ITM2B: variants seen among roughly 807,000 people sequenced by gnomAD.
ITM2B encodes the protein integral membrane protein 2B.
ITM2B carries 11 observed loss-of-function variants against 27.8 expected under a neutral mutation model. The ratio of observed to expected loss-of-function variants is 0.40; its 90% CI spans 0.25 to 0.66. The LOEUF (loss-of-function observed/expected upper bound fraction) is 0.66, where lower values mean the gene tolerates loss of function less well. Ranked by LOEUF, ITM2B falls within the 30% of genes least tolerant of loss-of-function variation. ITM2B has a pLI of 0.43. For synonymous variants in ITM2B, 114 were observed against 114.3 expected (o/e 1.00, Z 0.02); for missense variants, 296 against 328.9 (o/e 0.90, Z 0.77).
intron 1 of ITM2B, among the ~76,000 whole-genome samples, chr13:48,248,281 G>A (rs1951735073): frequency 6.6e-6 from 1 of 151,700 alleles, no homozygotes; most frequent in South Asian, 2.1e-4. Flanking sequence ...AAAATCAGCA[G>A]TGCTAGTACT....
chr13:48,262,397 A>G lies in ITM2B; in HGVS notation c.*1173A>G, dbSNP rs1326767144. On this transcript the variant is annotated 3_prime_UTR_variant, in exon 6 of 6. Coordinates refer to ENST00000647800, the MANE Select transcript of ITM2B (RefSeq NM_021999.5). The stretch of plus-strand genomic sequence containing the variant: ...TTTTAAAGCTTCCAACTCTTAAAGG[A>G]TTTAGTCTAGAAACCAATTCTAATT... 4 of 152,160 alleles carry G rather than the reference A, an allele frequency of 2.6e-5. No individual in the cohort carries two copies. Among genetic ancestry groups the G allele is most frequent in the Non-Finnish European group, 5.9e-5 (4 of 68,020 alleles). 9.4% of individuals were successfully genotyped at this position (152,160 alleles called of 1,614,324 possible).
chr13:48,234,630 A>T (rs1437029096), intron 1 of ITM2B, among the ~76,000 whole-genome samples: 1 of 152,168 alleles, frequency 6.6e-6, no homozygotes, highest in East Asian at 1.9e-4. Flanking sequence ...GGTAATCTAG[A>T]CATCATATTA....
intron 1 of ITM2B, among the ~76,000 whole-genome samples, chr13:48,234,510 T>TA (rs1445273188): frequency 6.6e-6 from 1 of 152,058 alleles, no homozygotes; most frequent in Non-Finnish European, 1.5e-5. Flanking sequence ...AGTTTTAACT[T>TA]AAAAAAATTG....
chr13:48,256,394 T>A lies in ITM2B; in HGVS notation c.453+11T>A, dbSNP rs1951789199. ...CATGACTTTAACAAGGTGAGCCAAG[T>A]GTCCAGAATTGTAGAAAGAATGCAG... is the stretch of plus-strand genomic sequence containing the variant. On this transcript the variant is annotated intron_variant, in intron 3 of 5. Transcript: ENST00000647800. 6.3e-7 allele frequency: 1 copy of A among 1,590,536 alleles called. No homozygotes were observed. The highest frequency in any genetic ancestry group is 2.2e-5 in the East Asian group (1 of 44,766).
In ITM2B at chr13:48,263,270, T is replaced by G. The variant is rs1566165371; in HGVS notation, c.*2046T>G. The G allele has an allele frequency of 2.6e-5, 4 of 152,336 alleles. No homozygotes were observed. In the South Asian group the frequency reaches 6.2e-4, roughly 24 times the overall value. 9.4% of individuals were successfully genotyped at this position (152,336 alleles called of 1,614,324 possible). ...TGATTTTACTTCATTTCCAGTACTATTCTGATAATTTCCTTTAGAGTCAAT... is the reference window on the plus strand; with the variant it reads ...TGATTTTACTTCATTTCCAGTACTAGTCTGATAATTTCCTTTAGAGTCAAT... On this transcript the variant is annotated 3_prime_UTR_variant, in exon 6 of 6. Transcript: ENST00000647800.
chr13:48,233,393 C>T lies in ITM2B; in HGVS notation c.33C>T (p.Ala11=). The change falls in exon 1 of 6, where the codon GCC becomes GCT. Residue 11 remains alanine, a synonymous_variant. Transcript: ENST00000647800. ...AGGTGACGTTCAACTCCGCTCTGGC[C>T]CAGAAGGAGGCCAAGAAGGACGAGC... MVKVTFNSAL[A]QKEAKKDEPK... is the part of the protein sequence containing the mutation. 1 of 1,565,690 alleles carries T rather than the reference C, an allele frequency of 6.4e-7. No individual in the cohort carries two copies. Among genetic ancestry groups the T allele is most frequent in the East Asian group, 2.5e-5 (1 of 40,754 alleles).
intron 1 of ITM2B, among the ~76,000 whole-genome samples, chr13:48,249,872 T>G (rs1443619870): frequency 1.3e-5 from 2 of 152,176 alleles, no homozygotes; most frequent in African/African-American, 4.8e-5. Flanking sequence ...AGTCATGGGG[T>G]TTTTCTTCTT....
At chr13:48,235,235 G>T (rs925581745) in intron 1 of ITM2B, among the ~76,000 whole-genome samples, 2 of 152,164 alleles carry the variant, frequency 1.3e-5, no homozygotes, top group African/African-American at 4.8e-5. Flanking sequence ...CTGAAATAGT[G>T]ACTCTGCCAG....
chr13:48,239,301 T>C (rs1211136743), intron 1 of ITM2B, among the ~76,000 whole-genome samples: 1 of 152,124 alleles, frequency 6.6e-6, no homozygotes, highest in African/African-American at 2.4e-5. Flanking sequence ...GCAGATGAAT[T>C]GTTGAAGCTG....
intron 1 of ITM2B, among the ~76,000 whole-genome samples, chr13:48,236,623 C>G (rs1951670248): frequency 6.6e-6 from 1 of 152,166 alleles, no homozygotes; most frequent in Non-Finnish European, 1.5e-5. Flanking sequence ...TGGTGTTTAA[C>G]ATGTTACATT....
At chr13:48,241,980 T>A (rs1951702089) in intron 1 of ITM2B, among the ~76,000 whole-genome samples, 1 of 152,226 alleles carries the variant, frequency 6.6e-6, no homozygotes, top group Admixed American at 6.5e-5. Context: ...AATATTTGCT[T>A]ATACTGCTGT....
At chr13:48,259,977 TCCTAATGTTATCCCTCC>T (rs1951812356) in intron 5 of ITM2B, among the ~76,000 whole-genome samples, 1 of 152,132 alleles carries the variant, frequency 6.6e-6, no homozygotes, top group South Asian at 2.1e-4. Context: ...TAGGTATTTC[TCCTAATGTTATCCCTCC>T]CCTAGGCCCC....
chr13:48,245,662 A>C (rs1436443006), intron 1 of ITM2B, among the ~76,000 whole-genome samples: 1 of 151,840 alleles, frequency 6.6e-6, no homozygotes, highest in Non-Finnish European at 1.5e-5. Context: ...ATTATTATGC[A>C]GTGGCTTTAA....
At chr13:48,238,048 G>T (rs982395218) in intron 1 of ITM2B, among the ~76,000 whole-genome samples, 1 of 152,136 alleles carries the variant, frequency 6.6e-6, no homozygotes, top group Admixed American at 6.5e-5. Context: ...TGACAATTCT[G>T]AATTTCTGAA....
chr13:48,264,112 A>C lies in ITM2B; in HGVS notation c.*2888A>C, dbSNP rs1951837826. ...GGCCGTGATTGCTCTTTTGTGATGC[A>C]GGAGTGAGAATCTGGAGAATCTGGC... On this transcript the variant is annotated 3_prime_UTR_variant, in exon 6 of 6. Transcript: ENST00000647800. 6.6e-6 allele frequency: 1 copy of C among 152,204 alleles called. No individual in the cohort carries two copies. The highest frequency in any genetic ancestry group is 1.5e-5 in the Non-Finnish European group (1 of 68,044). The allele number at this position is 152,204 out of a possible 1,614,324, so 9.4% of individuals were successfully genotyped here.
Position 48,261,391 on chromosome 13 carries a change from T to A in ITM2B, c.*167T>A, listed in dbSNP as rs535543297. ...CAATTAAAACCATTACCTTAAAATT[T>A]TTTTCTTTCGAAGTGTGGTGTCTTT... On this transcript the variant is annotated 3_prime_UTR_variant, in exon 6 of 6. Transcript: ENST00000647800. The A allele has an allele frequency of 1.7e-6, 1 of 572,604 alleles. No individual in the cohort carries two copies. The highest frequency in any genetic ancestry group is 3.4e-5 in the Admixed American group (1 of 29,738). 35.5% of individuals were successfully genotyped at this position (572,604 alleles called of 1,614,324 possible).
rs1951825651 is a variant in ITM2B, at chr13:48,261,960, T to C, written c.*736T>C. 2 of 152,516 alleles carry C rather than the reference T, an allele frequency of 1.3e-5. No homozygotes were observed. Among genetic ancestry groups the C allele is most frequent in the South Asian group, 4.1e-4 (2 of 4,834 alleles). 9.4% of individuals were successfully genotyped at this position (152,516 alleles called of 1,614,324 possible). On this transcript the variant is annotated 3_prime_UTR_variant, in exon 6 of 6. Coordinates refer to ENST00000647800, the MANE Select transcript of ITM2B (RefSeq NM_021999.5). ...AGAGAATCCACATAAAAGAAGAAAC[T>C]ATTTTTTAAAAATTCACTTCTATAT...
intron 1 of ITM2B, among the ~76,000 whole-genome samples, chr13:48,237,303 T>C (rs1951673763): frequency 6.6e-6 from 1 of 152,224 alleles, no homozygotes; most frequent in South Asian, 2.1e-4. Flanking sequence ...TTACATTACA[T>C]TTTGGTTCTC....
chr13:48,240,165 G>A (rs908409853), intron 1 of ITM2B, among the ~76,000 whole-genome samples: 5 of 152,122 alleles, frequency 3.3e-5, no homozygotes, highest in Admixed American at 6.6e-5. Context: ...CACAATGCCT[G>A]GAACAGAGTT....
Sources: allele counts gnomAD v4.1 joint callset (sites outside exome capture counted in the v4.1 genomes callset), GRCh38; gene constraint gnomAD v4.1.1; transcripts MANE v1.5; gene names NCBI Gene and HGNC (gene_info 2026-07-23, HGNC 2026-07-21).